The following SLC16A7 variants were observed in gnomAD, a reference collection of about 807,000 sequenced individuals.
The protein encoded by SLC16A7 is solute carrier family 16 member 7.
Under a neutral mutation model 34.9 loss-of-function variants are expected in SLC16A7, and 33 were observed. The ratio of observed to expected loss-of-function variants is 0.94; its 90% confidence interval spans 0.72 to 1.26. The LOEUF is 1.26. SLC16A7 is among the 50% of genes most tolerant of loss of function. SLC16A7 has a pLI of 0.00. For synonymous variants in SLC16A7, 201 were observed against 206.6 expected (o/e 0.97, Z 0.23); for missense variants, 573 against 578.1 (o/e 0.99, Z 0.09).
chr12:59,786,796 C>T lies in SLC16A7; in HGVS notation c.*7117C>T, dbSNP rs1385919313. On this transcript the variant is annotated 3_prime_UTR_variant, in exon 6 of 6. Transcript: ENST00000547379. ...TTCAGGTCTTTTAACTTCTAACACA[C>T]TTTTTTCTCCATTGCACTACAGAAG... 2.0e-5 allele frequency: 3 copies of T among 152,084 alleles called. No individual in the cohort carries two copies. In the South Asian group the frequency reaches 6.2e-4, roughly 32 times the overall value. 9.4% of individuals were successfully genotyped at this position (152,084 alleles called of 1,614,324 possible).
chr12:59,739,137 C>T (rs1877979688), intron 3 of SLC16A7, among the ~76,000 whole-genome samples: 1 of 150,912 alleles, frequency 6.6e-6, no homozygotes, highest in African/African-American at 2.4e-5. Context: ...TGGTGTGCTA[C>T]ACCCATTAAC....
intron 3 of SLC16A7, among the ~76,000 whole-genome samples, chr12:59,749,461 A>C (rs1879257295): frequency 6.6e-6 from 1 of 152,284 alleles, no homozygotes; most frequent in Non-Finnish European, 1.5e-5. Flanking sequence ...TCAGTGCCAA[A>C]GGTGTCGAAG....
chr12:59,656,229 AC>A (rs1401773687), intron 2 of SLC16A7, among the ~76,000 whole-genome samples: 1 of 151,864 alleles, frequency 6.6e-6, no homozygotes, highest in Non-Finnish European at 1.5e-5. Context: ...AGAATAATGG[AC>A]CCCCACATTT....
At chr12:59,717,139 T>G (rs1268851298) in intron 3 of SLC16A7, among the ~76,000 whole-genome samples, 1 of 152,176 alleles carries the variant, frequency 6.6e-6, no homozygotes, top group Non-Finnish European at 1.5e-5. Context: ...GTTTCAGATT[T>G]CTATCATCTT....
intron 3 of SLC16A7, among the ~76,000 whole-genome samples, chr12:59,767,076 C>T (rs553621096): frequency 2.8e-4 from 43 of 151,512 alleles, no homozygotes; most frequent in African/African-American, 7.2e-4. Flanking sequence ...GTATGTGTTG[C>T]GGAATTTATC....
intron 3 of SLC16A7, among the ~76,000 whole-genome samples, chr12:59,753,410 G>T (rs1341496825): frequency 6.6e-6 from 1 of 152,148 alleles, no homozygotes; most frequent in Non-Finnish European, 1.5e-5. Flanking sequence ...GATGGAAGAA[G>T]ATCTACCAAG....
At chr12:59,727,061 C>T (rs1876341167) in intron 3 of SLC16A7, among the ~76,000 whole-genome samples, 1 of 151,148 alleles carries the variant, frequency 6.6e-6, no homozygotes, top group Non-Finnish European at 1.5e-5. Flanking sequence ...CAGTATCTAT[C>T]CAAACACTGA....
intron 5 of SLC16A7, among the ~76,000 whole-genome samples, chr12:59,776,040 C>T (rs1449949553): frequency 6.6e-6 from 1 of 152,056 alleles, no homozygotes; most frequent in Admixed American, 6.6e-5. Context: ...TTGAGGGCCA[C>T]TCATGTTCCA....
intron 2 of SLC16A7, among the ~76,000 whole-genome samples, chr12:59,675,547 G>T (rs76059341): frequency 6.6e-6 from 1 of 152,108 alleles, no homozygotes; most frequent in African/African-American, 2.4e-5. Context: ...ATGGCAGCCA[G>T]TGCAGACTAG....
intron 3 of SLC16A7, among the ~76,000 whole-genome samples, chr12:59,745,162 C>T (rs1303727227): frequency 6.6e-6 from 1 of 152,176 alleles, no homozygotes. Flanking sequence ...AAAATGGGTG[C>T]CAGGAGCAAT....
chr12:59,748,285 G>T (rs1879117784), intron 3 of SLC16A7, among the ~76,000 whole-genome samples: 1 of 152,174 alleles, frequency 6.6e-6, no homozygotes, highest in African/African-American at 2.4e-5. Flanking sequence ...ACCATCCACA[G>T]TGCAGAAAAA....
chr12:59,777,650 TTTTTA>T (rs960392618), intron 5 of SLC16A7, among the ~76,000 whole-genome samples: 6 of 151,480 alleles, frequency 4.0e-5, no homozygotes, highest in Admixed American at 6.6e-5. Flanking sequence ...CTTTTATTAT[TTTTTA>T]TTTTATTATT....
chr12:59,738,872 T>C (rs1397561678), intron 3 of SLC16A7, among the ~76,000 whole-genome samples: 3 of 151,704 alleles, frequency 2.0e-5, no homozygotes, highest in Non-Finnish European at 4.4e-5. Flanking sequence ...GGTCTTCATG[T>C]TTATAAACTA....
At chr12:59,758,167 A>C (rs1179876796) in intron 3 of SLC16A7, among the ~76,000 whole-genome samples, 2 of 151,380 alleles carry the variant, frequency 1.3e-5, no homozygotes, top group Non-Finnish European at 3.0e-5. Flanking sequence ...GTCAATTAAC[A>C]AAAAAAAATT....
At chr12:59,707,981 A>T (rs901018472) in intron 3 of SLC16A7, among the ~76,000 whole-genome samples, 16 of 152,136 alleles carry the variant, frequency 1.1e-4, no homozygotes, top group African/African-American at 3.6e-4. Context: ...TTGAATATAG[A>T]TCTTACACGT....
At chr12:59,685,722 A>AT (rs1342917595) in intron 2 of SLC16A7, among the ~76,000 whole-genome samples, 14 of 152,130 alleles carry the variant, frequency 9.2e-5, no homozygotes, top group African/African-American at 3.4e-4. Flanking sequence ...GTTCTTTTAT[A>AT]TTTGAATATA....
chr12:59,639,563 T>G (rs1264646689), intron 1 of SLC16A7, among the ~76,000 whole-genome samples: 1 of 152,046 alleles, frequency 6.6e-6, no homozygotes, highest in Non-Finnish European at 1.5e-5. Context: ...TTTTTGTATC[T>G]TTTGTAGGGA....
intron 3 of SLC16A7, among the ~76,000 whole-genome samples, chr12:59,728,939 G>T (rs1320292893): frequency 6.6e-6 from 1 of 152,036 alleles, no homozygotes; most frequent in Non-Finnish European, 1.5e-5. Context: ...AAATAATTAG[G>T]TGTCCTACCT....
intron 3 of SLC16A7, among the ~76,000 whole-genome samples, chr12:59,768,826 G>A (rs34040471): frequency 0.079 from 12,055 of 151,870 alleles, 564 homozygotes; most frequent in Middle Eastern, 0.17. Flanking sequence ...GCAAGGCCCC[G>A]TCTCTATGAA....
Sources: gnomAD v4.1 joint callset for allele counts (sites outside exome capture counted in the v4.1 genomes callset) on GRCh38, gnomAD v4.1.1 for gene constraint, MANE v1.5 for transcripts, NCBI Gene and HGNC (gene_info 2026-07-23, HGNC 2026-07-21) for gene names.